PXDN: variants seen among roughly 807,000 people sequenced by gnomAD.
The protein encoded by PXDN is peroxidasin homolog.
PXDN carries 77 observed loss-of-function variants against 140.3 expected under a neutral mutation model. The ratio of observed to expected loss-of-function variants is 0.55; its 90% CI spans 0.46 to 0.66. PXDN has a LOEUF of 0.66. Ranked by LOEUF, PXDN falls within the 30% of genes least tolerant of loss-of-function variation. PXDN has a pLI of 0.00. For missense variants in PXDN, 1,838 were observed against 2,039.5 expected, an observed-to-expected ratio of 0.90 and a Z score of 1.90; for synonymous variants, 911 against 857.4, an observed-to-expected ratio of 1.06 and a Z score of -1.09.
intron 1 of PXDN, among the ~76,000 whole-genome samples, chr2:1,741,054 T>C (rs1685531694): frequency 6.6e-6 from 1 of 152,084 alleles, no homozygotes; most frequent in South Asian, 2.1e-4. Context: ...GATGAATCCA[T>C]GACCATAGCC....
In PXDN at chr2:1,631,955, G is replaced by T. The variant is rs1682419946; in HGVS notation, c.*2249C>A. ...ATTACAAAGTGCAAACATTTCTTTGGTAATGAACTGAATACAATGGTCATA... is the reference window on the plus strand; with the variant it reads ...ATTACAAAGTGCAAACATTTCTTTGTTAATGAACTGAATACAATGGTCATA... On this transcript the variant is annotated 3_prime_UTR_variant, in exon 23 of 23. Coordinates refer to ENST00000252804, the MANE Select transcript of PXDN (RefSeq NM_012293.3). 1 of 152,550 alleles carries T rather than the reference G, an allele frequency of 6.6e-6. No homozygotes were observed. Among genetic ancestry groups the T allele is most frequent in the African/African-American group, 2.4e-5 (1 of 41,414 alleles). The allele number at this position is 152,550 out of a possible 1,614,324, so 9.4% of individuals were successfully genotyped here.
At chr2:1,641,081 CTTG>C (rs949868923) in intron 19 of PXDN, among the ~76,000 whole-genome samples, 2 of 152,264 alleles carry the variant, frequency 1.3e-5, no homozygotes, top group Admixed American at 6.5e-5. Context: ...CCACACAGCA[CTTG>C]TTGTAGGCAT....
intron 7 of PXDN, among the ~76,000 whole-genome samples, chr2:1,679,753 CGT>C (rs1305182812): frequency 1.6e-5 from 2 of 125,828 alleles, no homozygotes; most frequent in African/African-American, 3.2e-5. Context: ...CGTGTATGTG[CGT>C]GTGTGTGGTT....
intron 1 of PXDN, among the ~76,000 whole-genome samples, chr2:1,705,969 C>T (rs1684595268): frequency 6.7e-6 from 1 of 148,996 alleles, no homozygotes; most frequent in African/African-American, 2.5e-5. Context: ...GCACTCCAGG[C>T]CCTGCCGCTC....
At position 1,649,597 on chromosome 2, in the gene PXDN, C is replaced by T. The variant is rs755223854; in HGVS notation, c.2183G>A (p.Arg728His). The T allele has an allele frequency of 1.2e-5, 20 of 1,613,906 alleles. No individual in the cohort carries two copies. The highest frequency in any genetic ancestry group is 8.8e-5 in the South Asian group (8 of 91,092). ...GCACATGTCCGAGCAGTTGTTCACG[C>T]GCCGGTGGGCGGTACAGCCCGACAG... ...ANLSGCTAHR[R>H]VNNCSDMCFH... The change falls in exon 17 of 23, where the codon CGC becomes CAC. Residue 728 changes from arginine (R) to histidine (H), a missense_variant. This residue lies in a region of PXDN where 537 missense variants were observed against 583.9 expected (regional missense o/e 0.92). Transcript: ENST00000252804. The surrounding 1 kb of genome is among the most constrained non-coding windows in gnomAD (Gnocchi z 7.1).
intron 7 of PXDN, among the ~76,000 whole-genome samples, chr2:1,679,460 T>C (rs1572152564): frequency 6.7e-6 from 1 of 148,968 alleles, no homozygotes; most frequent in Admixed American, 6.7e-5. Context: ...GGATGGTTTA[T>C]GTCTGTGTGT....
At chr2:1,673,109 T>C (rs2125433699) in intron 9 of PXDN, among the ~76,000 whole-genome samples, 1 of 152,330 alleles carries the variant, frequency 6.6e-6, no homozygotes, top group Non-Finnish European at 1.5e-5. Context: ...TGCAACCTGA[T>C]GGGGCCCAGA....
chr2:1,641,503 G>C lies in PXDN; in HGVS notation c.3952+1865C>G, dbSNP rs139090813. 3.9e-5 allele frequency among the ~76,000 whole-genome samples: 6 copies of C among 152,292 alleles called. No homozygotes were observed. In the East Asian group the frequency reaches 1.2e-3, roughly 29 times the overall value. The stretch of plus-strand genomic sequence containing the variant: ...AAAAGTAAATAGCAATTGACATTTG[G>C]TTCTGTCAAATCTGAGTTCTGTTTT... On this transcript the variant is annotated intron_variant, in intron 19 of 22. Transcript: ENST00000252804.
chr2:1,724,893 T>C (rs1260381658), intron 1 of PXDN, among the ~76,000 whole-genome samples: 1 of 152,224 alleles, frequency 6.6e-6, no homozygotes, highest in Non-Finnish European at 1.5e-5. Context: ...ATTCTGTTTC[T>C]GTGAAGAATG....
chr2:1,725,715 T>A (rs1181039764), intron 1 of PXDN, among the ~76,000 whole-genome samples: 1 of 151,834 alleles, frequency 6.6e-6, no homozygotes, highest in East Asian at 1.9e-4. Flanking sequence ...TACAATGAAC[T>A]CAAACAAATT....
intron 1 of PXDN, among the ~76,000 whole-genome samples, chr2:1,734,641 G>T (rs1002948240): frequency 2.0e-5 from 3 of 152,154 alleles, no homozygotes; most frequent in Non-Finnish European, 4.4e-5. Context: ...GGCCAAGGCG[G>T]GCGGATCACG....
rs1189031780 is a variant in PXDN, at chr2:1,663,766, G to A, written c.1409-3C>T. On this transcript the variant is annotated splice_polypyrimidine_tract_variant and splice_region_variant and intron_variant, in intron 11 of 22. Transcript: ENST00000252804. ...CCGGTCCACGGAGAGCTGGCTCCCTGCAAGGGCATGGGCCCGTTACACTGG... is the reference window on the plus strand; with the variant it reads ...CCGGTCCACGGAGAGCTGGCTCCCTACAAGGGCATGGGCCCGTTACACTGG... 1 of 1,611,534 alleles carries A rather than the reference G, an allele frequency of 6.2e-7. No individual in the cohort carries two copies. Among genetic ancestry groups the A allele is most frequent in the Non-Finnish European group, 8.5e-7 (1 of 1,179,770 alleles).
intron 9 of PXDN, among the ~76,000 whole-genome samples, chr2:1,667,853 A>G (rs894028647): frequency 1.3e-5 from 2 of 152,104 alleles, no homozygotes; most frequent in African/African-American, 4.8e-5. Context: ...GGAAGAATCA[A>G]TATTGTGAAA....
chr2:1,696,832 G>A (rs1182485265), intron 1 of PXDN, among the ~76,000 whole-genome samples: 1 of 152,188 alleles, frequency 6.6e-6, no homozygotes, highest in Non-Finnish European at 1.5e-5. Context: ...CAGAGCAACA[G>A]AAAGGGCAGA....
intron 1 of PXDN, among the ~76,000 whole-genome samples, chr2:1,719,159 CG>C (rs1422630093): frequency 6.6e-6 from 1 of 152,196 alleles, no homozygotes; most frequent in African/African-American, 2.4e-5. Flanking sequence ...CTGAGTTACT[CG>C]GAAGGGGGCT....
chr2:1,709,301 G>A (rs775755847), intron 1 of PXDN, among the ~76,000 whole-genome samples: 21 of 152,166 alleles, frequency 1.4e-4, no homozygotes, highest in South Asian at 6.2e-4. Context: ...GAGGAGGCCC[G>A]GGAGTAGCTA....
chr2:1,708,024 C>T (rs927509592), intron 1 of PXDN, among the ~76,000 whole-genome samples: 1 of 152,226 alleles, frequency 6.6e-6, no homozygotes, highest in African/African-American at 2.4e-5. Flanking sequence ...AGCTTTGTCC[C>T]GAGAACAAGG....
chr2:1,741,075 C>T (rs1685532331), intron 1 of PXDN, among the ~76,000 whole-genome samples: 1 of 152,054 alleles, frequency 6.6e-6, no homozygotes, highest in Non-Finnish European at 1.5e-5. Context: ...TCAACCGTGG[C>T]GGCTCCAGGG....
At position 1,644,637 on chromosome 2, in the gene PXDN, G is replaced by A. The variant is rs778091236; in HGVS notation, c.3724C>T (p.Arg1242Cys). 7.3e-5 allele frequency: 117 copies of A among 1,606,166 alleles called. 1 individual carries two copies. In the South Asian group the frequency reaches 7.4e-4, roughly 10 times the overall value. The change falls in exon 18 of 23, where the codon CGC (arginine) becomes TGC (cysteine). Residue 1242 changes from arginine to cysteine, a missense_variant. Coordinates refer to ENST00000252804, the MANE Select transcript of PXDN (RefSeq NM_012293.3). ...LMCLLSTQFK[R>C]LRDGDRLWYE... ...GCTCACCTGTCCCCATCTCGCAGGC[G>A]CTTGAACTGTGTGCTGAGAAGACAC...
Sources: gnomAD v4.1 joint callset for allele counts (sites outside exome capture counted in the v4.1 genomes callset) on GRCh38, gnomAD v4.1.1 for gene constraint, gnomAD v4.1.1 regional missense constraint, Gnocchi (gnomAD v3.1) non-coding constraint, MANE v1.5 for transcripts, NCBI Gene and HGNC (gene_info 2026-07-23, HGNC 2026-07-21) for gene names.